The following IFT43 variants were observed in gnomAD, a reference collection of about 807,000 sequenced individuals.
The protein encoded by IFT43 is intraflagellar transport 43.
In IFT43, 33 loss-of-function variants were observed where a neutral mutation model predicts 32.3. The ratio of observed to expected loss-of-function variants is 1.02; its 90% CI spans 0.77 to 1.37. The LOEUF (loss-of-function observed/expected upper bound fraction) is 1.37, where lower values mean the gene tolerates loss of function less well. Among genes scored for constraint, IFT43 ranks in the 40% most tolerant of loss-of-function variants. IFT43 has a pLI of 0.00. For synonymous variants in IFT43, 93 were observed against 98.2 expected (o/e 0.95, Z 0.31); for missense variants, 274 against 265.9 (o/e 1.03, Z -0.21).
In IFT43 at chr14:76,082,333, G is replaced by A; in HGVS notation, c.334G>A (p.Glu112Lys). ...TCCGGATCTGGAGGAAGTACAGGAA[G>A]AAGACTTTGTTTTGCAGGTGGCAGC... ...IIPDLEEVQE[E>K]DFVLQVAAPP... Residue 112 changes from glutamate to lysine, a missense_variant, in exon 6 of 9, where the codon GAA becomes AAA. By Grantham distance (56) the Glu-to-Lys change is moderately conservative. Coordinates refer to ENST00000314067, the MANE Select transcript of IFT43 (RefSeq NM_001102564.3). 6.2e-7 allele frequency: 1 copy of A among 1,613,926 alleles called. No homozygotes were observed. Among genetic ancestry groups the A allele is most frequent in the Non-Finnish European group, 8.5e-7 (1 of 1,179,748 alleles).
intron 3 of IFT43, among the ~76,000 whole-genome samples, chr14:76,056,195 G>A (rs1566728093): frequency 6.6e-6 from 1 of 152,316 alleles, no homozygotes; most frequent in Admixed American, 6.5e-5. Context: ...GAGGCAGGGC[G>A]CACCATCCCA....
chr14:76,048,560 C>G (rs1331334569), intron 3 of IFT43, among the ~76,000 whole-genome samples: 1 of 152,212 alleles, frequency 6.6e-6, no homozygotes, highest in Admixed American at 6.5e-5. Context: ...AAGTACCCAA[C>G]AGCAATTTTA....
intron 2 of IFT43, among the ~76,000 whole-genome samples, chr14:75,991,785 A>G (rs866791175): frequency 6.6e-6 from 1 of 152,052 alleles, no homozygotes; most frequent in Middle Eastern, 3.4e-3. Flanking sequence ...TCTGCTCTTC[A>G]CCCAACTGTT....
chr14:75,988,573 C>T (rs951295468), intron 1 of IFT43, among the ~76,000 whole-genome samples: 1 of 152,096 alleles, frequency 6.6e-6, no homozygotes, highest in Non-Finnish European at 1.5e-5. Context: ...GGCTGGAGTG[C>T]AGTGGCACAA....
chr14:76,011,348 A>G (rs1362579431), intron 2 of IFT43, among the ~76,000 whole-genome samples: 1 of 152,152 alleles, frequency 6.6e-6, no homozygotes, highest in Non-Finnish European at 1.5e-5. Flanking sequence ...CTGATTTGTA[A>G]ACTGGAAATC....
chr14:76,079,713 C>T (rs763062602), intron 5 of IFT43, among the ~76,000 whole-genome samples: 1 of 152,102 alleles, frequency 6.6e-6, no homozygotes, highest in African/African-American at 2.4e-5. Flanking sequence ...GTACCAGAAC[C>T]GACTCCTGTC....
chr14:76,055,076 G>A (rs10141588), intron 3 of IFT43, among the ~76,000 whole-genome samples: 16,462 of 152,208 alleles, frequency 0.11, 989 homozygotes, highest in African/African-American at 0.17. Context: ...TGAGCACAGT[G>A]GCCCATGCCT....
intron 2 of IFT43, among the ~76,000 whole-genome samples, chr14:75,992,737 T>G (rs1489293921): frequency 1.3e-5 from 2 of 151,992 alleles, no homozygotes; most frequent in African/African-American, 2.4e-5. Flanking sequence ...GACGAAGACT[T>G]GTTATGTTGC....
intron 3 of IFT43, among the ~76,000 whole-genome samples, chr14:76,026,552 C>CAAAAAAAAAAAAAAAA (rs58799745): frequency 2.4e-5 from 2 of 84,458 alleles, no homozygotes; most frequent in Non-Finnish European, 2.5e-5. Flanking sequence ...GAGTGAAACT[C>CAAAAAAAAAAAAAAAA]AAAAAAAAAA....
intron 3 of IFT43, among the ~76,000 whole-genome samples, chr14:76,050,448 T>G (rs938343005): frequency 7.3e-5 from 11 of 151,244 alleles, no homozygotes; most frequent in South Asian, 2.1e-4. Context: ...GTGGTGGGAG[T>G]GTTTGGATGT....
At position 75,986,656 on chromosome 14, in the gene IFT43, T is replaced by C. The variant is rs568284019; in HGVS notation, c.54+816T>C. Reference sequence around the variant, plus strand: ...GTGGTTTACCCAGCGTTATAGTTAGTAAATAATGGAGCTAGATTCAAGACC... The same window carrying C: ...GTGGTTTACCCAGCGTTATAGTTAGCAAATAATGGAGCTAGATTCAAGACC... On this transcript the variant is annotated intron_variant, in intron 1 of 8. Transcript: ENST00000314067. Among the ~76,000 whole-genome samples the C allele has an allele frequency of 7.9e-5, 12 of 152,298 alleles. No individual in the cohort carries two copies. The South Asian group carries it at 2.5e-3, about 32-fold the overall frequency.
At chr14:76,007,602 T>G (rs1337016529) in intron 2 of IFT43, among the ~76,000 whole-genome samples, 2 of 152,210 alleles carry the variant, frequency 1.3e-5, no homozygotes, top group Non-Finnish European at 2.9e-5. Context: ...GGTTGCTTCT[T>G]AGAGTGTTGG....
In IFT43 at chr14:76,074,404, G is replaced by A. The variant is rs1354084990; in HGVS notation, c.296-7891G>A. ...ACGAGGCTCTGAGAGAGCTACTGCA[G>A]GACTCCGTTCTTCGTTTCCTTCAAT... On this transcript the variant is annotated intron_variant, in intron 5 of 8. Coordinates refer to ENST00000314067, the MANE Select transcript of IFT43 (RefSeq NM_001102564.3). 3.3e-5 allele frequency among the ~76,000 whole-genome samples: 5 copies of A among 151,996 alleles called. No individual in the cohort carries two copies. In the East Asian group the frequency reaches 9.6e-4, roughly 29 times the overall value.
chr14:76,077,974 C>T (rs2037440290), intron 5 of IFT43, among the ~76,000 whole-genome samples: 1 of 152,210 alleles, frequency 6.6e-6, no homozygotes, highest in African/African-American at 2.4e-5. Flanking sequence ...CAAATTAAAT[C>T]CTCTCTGGAC....
intron 3 of IFT43, among the ~76,000 whole-genome samples, chr14:76,023,246 A>T (rs1184403616): frequency 1.3e-5 from 2 of 152,226 alleles, no homozygotes; most frequent in African/African-American, 2.4e-5. Context: ...GAAGGAAATT[A>T]CATATGTAAC....
At chr14:76,008,327 A>G (rs2036016775) in intron 2 of IFT43, among the ~76,000 whole-genome samples, 1 of 152,176 alleles carries the variant, frequency 6.6e-6, no homozygotes, top group African/African-American at 2.4e-5. Flanking sequence ...CTCAACCCTA[A>G]GCATTAAGGA....
chr14:76,039,067 T>C (rs1231187902), intron 3 of IFT43, among the ~76,000 whole-genome samples: 1 of 152,168 alleles, frequency 6.6e-6, no homozygotes, highest in African/African-American at 2.4e-5. Flanking sequence ...CTGTGGACCC[T>C]TGTCCAGCAC....
chr14:75,999,281 A>ATATATATTTTT (rs1566699821), intron 2 of IFT43, among the ~76,000 whole-genome samples: 1 of 39,062 alleles, frequency 2.6e-5, no homozygotes, highest in African/African-American at 1.2e-4. Context: ...ATGTATATAT[A>ATATATATTTTT]TTTTTTTTTT....
At chr14:75,999,281 A>ATATATATTTT (rs1566699821) in intron 2 of IFT43, among the ~76,000 whole-genome samples, 1 of 39,058 alleles carries the variant, frequency 2.6e-5, no homozygotes, top group African/African-American at 1.2e-4. Context: ...ATGTATATAT[A>ATATATATTTT]TTTTTTTTTT....
Sources: allele counts gnomAD v4.1 joint callset (sites outside exome capture counted in the v4.1 genomes callset), GRCh38; gene constraint gnomAD v4.1.1; transcripts MANE v1.5; gene names NCBI Gene and HGNC (gene_info 2026-07-23, HGNC 2026-07-21).